ATP6V1C2: variants seen among roughly 807,000 people sequenced by gnomAD.
ATP6V1C2 encodes V-type proton ATPase subunit C 2.
A neutral mutation model predicts 56.8 loss-of-function variants in ATP6V1C2; 45 were observed. The ratio of observed to expected loss-of-function variants is 0.79; its 90% CI spans 0.62 to 1.02. ATP6V1C2 has a LOEUF of 1.02. ATP6V1C2 is among the 50% of genes least tolerant of loss of function. The pLI is 0.00. For missense variants in ATP6V1C2, 463 were observed against 519.7 expected, an observed-to-expected ratio of 0.89 and a Z score of 1.06; for synonymous variants, 220 against 201.3, an observed-to-expected ratio of 1.09 and a Z score of -0.79.
chr2:10,735,327 G>A (rs1230418685), intron 3 of ATP6V1C2, among the ~76,000 whole-genome samples: 1 of 151,616 alleles, frequency 6.6e-6, no homozygotes, highest in Non-Finnish European at 1.5e-5. Flanking sequence ...GTGCCACCAG[G>A]CCCAGCTAAT....
At chr2:10,782,132 C>A in intron 12 of ATP6V1C2, 111 bp from the exon 13 acceptor site, 1 of 1,273,866 alleles carries the variant, frequency 7.9e-7, no homozygotes, top group South Asian at 1.4e-5. Flanking sequence ...CTTTATGAAG[C>A]TGTGTTGGTT....
intron 8 of ATP6V1C2, 73 bp from the exon 9 acceptor site, chr2:10,774,715 C>T (rs1166579318): frequency 1.5e-6 from 2 of 1,345,166 alleles, no homozygotes; most frequent in Admixed American, 1.7e-5. Context: ...GCCACCAGGC[C>T]CGGGGCCTCT....
intron 3 of ATP6V1C2, among the ~76,000 whole-genome samples, chr2:10,736,447 A>T (rs995654104): frequency 6.5e-4 from 99 of 152,284 alleles, no homozygotes; most frequent in African/African-American, 2.3e-3. Flanking sequence ...AATAGAGTCT[A>T]CCTATATATT....
Position 10,764,557 on chromosome 2 carries a change from T to TC in ATP6V1C2, c.378+134dup, listed in dbSNP as rs200421565. The TC allele has an allele frequency of 5.2e-3, 3,776 of 722,820 alleles. 120 individuals carry two copies. In the African/African-American group the frequency reaches 0.059, roughly 11 times the overall value. The allele number at this position is 722,820 out of a possible 1,614,324, so 44.8% of individuals were successfully genotyped here. A position where few individuals can be genotyped will look rare whatever the true frequency, so the allele number is the denominator to read the frequency against. Reference sequence around the variant, plus strand: ...CTGGGTTTCTGAGGTGTGGCCTCCTTCCATGCACTGGGCAGGTTTGGGGTT... The same window carrying TC: ...CTGGGTTTCTGAGGTGTGGCCTCCTTCCCATGCACTGGGCAGGTTTGGGGTT... On this transcript the variant is annotated intron_variant, in intron 5 of 13. Coordinates refer to ENST00000272238, the MANE Select transcript of ATP6V1C2 (RefSeq NM_001039362.2).
At chr2:10,757,407 T>C in intron 4 of ATP6V1C2, 1 of 391,882 alleles carries the variant, frequency 2.6e-6, no homozygotes, top group Non-Finnish European at 4.5e-6. Flanking sequence ...GCTTAATAAC[T>C]CCACCTTATT....
At chr2:10,743,557 A>G (rs1476315168) in intron 3 of ATP6V1C2, among the ~76,000 whole-genome samples, 1 of 151,814 alleles carries the variant, frequency 6.6e-6, no homozygotes, top group East Asian at 1.9e-4. Flanking sequence ...GCAGAAGAAT[A>G]CATTTCTGGA....
At position 10,764,489 on chromosome 2, in the gene ATP6V1C2, A is replaced by G. The variant is rs111670640; in HGVS notation, c.378+64A>G. The G allele has an allele frequency of 5.1e-3, 7,242 of 1,416,430 alleles. 233 individuals are homozygous for G. In the African/African-American group the frequency reaches 0.079, roughly 15 times the overall value. The allele number at this position is 1,416,430 out of a possible 1,614,324, so 87.7% of individuals were successfully genotyped here. A position where few individuals can be genotyped will look rare whatever the true frequency, so the allele number is the denominator to read the frequency against. ...GGGTCAGGCGGGCAAGAGCCTGGGT[A>G]GGGCCCCCCTGCCAACAGCCTCAGC... is the stretch of plus-strand genomic sequence containing the variant. On this transcript the variant is annotated intron_variant, in intron 5 of 13. Transcript: ENST00000272238.
chr2:10,740,804 A>G (rs1215877118), intron 3 of ATP6V1C2, among the ~76,000 whole-genome samples: 1 of 152,188 alleles, frequency 6.6e-6, no homozygotes, highest in Non-Finnish European at 1.5e-5. Context: ...CTGCTGCCTC[A>G]GCCTCCCAAG....
At position 10,733,965 on chromosome 2, in the gene ATP6V1C2, C is replaced by T. The variant is rs933116994; in HGVS notation, c.197+7396C>T. On this transcript the variant is annotated intron_variant, in intron 3 of 13. Coordinates refer to ENST00000272238, the MANE Select transcript of ATP6V1C2 (RefSeq NM_001039362.2). ...GAGTGTGGATGTCTGCTTAGTGATA[C>T]GTGTGAGTCAGTTCTTGTAAGGGCA... 5.3e-5 allele frequency among the ~76,000 whole-genome samples: 8 copies of T among 152,110 alleles called. No homozygotes were observed. In the East Asian group the frequency reaches 9.6e-4, roughly 18 times the overall value.
intron 3 of ATP6V1C2, among the ~76,000 whole-genome samples, chr2:10,743,433 T>C (rs1193872890): frequency 6.6e-6 from 1 of 151,816 alleles, no homozygotes; most frequent in African/African-American, 2.4e-5. Context: ...TTCTTGGTGG[T>C]CCATTATATC....
intron 3 of ATP6V1C2, among the ~76,000 whole-genome samples, chr2:10,729,179 T>A (rs908752111): frequency 7.9e-5 from 12 of 151,830 alleles, no homozygotes; most frequent in Non-Finnish European, 1.8e-4. Flanking sequence ...AAACTTTTTT[T>A]TTTGAGATAG....
chr2:10,725,952 A>C (rs555712653), intron 2 of ATP6V1C2, among the ~76,000 whole-genome samples: 2 of 151,954 alleles, frequency 1.3e-5, no homozygotes, highest in East Asian at 3.9e-4. Flanking sequence ...GATGGTGCAT[A>C]CCTGTAATCC....
At chr2:10,724,359 C>T (rs770834384) in intron 2 of ATP6V1C2, among the ~76,000 whole-genome samples, 3 of 152,156 alleles carry the variant, frequency 2.0e-5, no homozygotes, top group Admixed American at 6.6e-5. Flanking sequence ...AATGCATCAC[C>T]GGGAAGCTGA....
In ATP6V1C2 at chr2:10,783,409, ATTTTT is replaced by A. The variant is rs904175287; in HGVS notation, c.*149_*153del. On this transcript the variant is annotated 3_prime_UTR_variant, in exon 14 of 14. Coordinates refer to ENST00000272238, the MANE Select transcript of ATP6V1C2 (RefSeq NM_001039362.2). ...ACAAAAGTTAGTGACAGTTGTATTT[ATTTTT>A]TTAAGTTACAATAAAATGCTCTCAA... 15 of 531,840 alleles carry A rather than the reference ATTTTT, an allele frequency of 2.8e-5. No individual in the cohort carries two copies. The highest frequency in any genetic ancestry group is 2.5e-4 in the African/African-American group (13 of 51,526). The allele number at this position is 531,840 out of a possible 1,614,324, so 32.9% of individuals were successfully genotyped here. A position where few individuals can be genotyped will look rare whatever the true frequency, so the allele number is the denominator to read the frequency against.
In ATP6V1C2 at chr2:10,784,244, C is replaced by T; in HGVS notation, c.*981C>T. On this transcript the variant is annotated 3_prime_UTR_variant, in exon 14 of 14. Coordinates refer to ENST00000272238, the MANE Select transcript of ATP6V1C2 (RefSeq NM_001039362.2). ...CCAAGAAAAGAAAATGGTCTGAAGC[C>T]TCTGTTGTGGCTCTCACAACTCATC... The T allele has an allele frequency of 3.7e-6, 6 of 1,605,590 alleles. No homozygotes were observed. The highest frequency in any genetic ancestry group is 1.7e-4 in the Middle Eastern group (1 of 6,048).
rs371007689 is a variant in ATP6V1C2, at chr2:10,768,726, C to T, written c.386C>T (p.Ala129Val). 235 of 1,613,950 alleles carry T rather than the reference C, an allele frequency of 1.5e-4. 1 individual carries two copies. The highest frequency in any genetic ancestry group is 8.3e-4 in the Middle Eastern group (5 of 6,060). Residue 129 changes from alanine to valine, a missense_variant, in exon 6 of 14, where the codon GCG becomes GTG. Transcript: ENST00000272238. ...TTTGCTTTCCCAAAACAGCAACTGG[C>T]GCAGATCGAGATGGACCTGAAGTCC... ...SVVDTIAKQL[A>V]QIEMDLKSRT...
intron 3 of ATP6V1C2, among the ~76,000 whole-genome samples, chr2:10,739,306 A>G (rs1662421338): frequency 7.2e-6 from 1 of 138,370 alleles, no homozygotes. Flanking sequence ...ATAAATAAAT[A>G]AAAGCACTGT....
At chr2:10,731,725 G>A (rs1262939330) in intron 3 of ATP6V1C2, among the ~76,000 whole-genome samples, 7 of 152,160 alleles carry the variant, frequency 4.6e-5, no homozygotes, top group Non-Finnish European at 7.4e-5. Flanking sequence ...TGTAATCCCA[G>A]CACTTTGGGA....
At chr2:10,749,696 C>A (rs908857053) in intron 3 of ATP6V1C2, among the ~76,000 whole-genome samples, 2 of 152,104 alleles carry the variant, frequency 1.3e-5, no homozygotes, top group African/African-American at 2.4e-5. Context: ...TCCTTAGCAA[C>A]TTATTTTTTC....
Sources: allele counts gnomAD v4.1 joint callset (sites outside exome capture counted in the v4.1 genomes callset), GRCh38; gene constraint gnomAD v4.1.1; transcripts MANE v1.5; gene names NCBI Gene and HGNC (gene_info 2026-07-23, HGNC 2026-07-21).